The following HSPA4 variants were observed in gnomAD, a reference collection of about 807,000 sequenced individuals.
HSPA4 encodes heat shock protein family A (Hsp70) member 4.
In HSPA4, 25 loss-of-function variants were observed where a neutral mutation model predicts 106.2. The observed-to-expected ratio is 0.24, with a 90% CI of 0.17 to 0.33. The LOEUF is 0.33. HSPA4 is among the 10% of genes least tolerant of loss of function. The probability of loss-of-function intolerance (pLI) is 1.00; values close to 1 mark genes in which losing one functional copy is unlikely to be tolerated. For synonymous variants in HSPA4, 332 were observed against 333.6 expected, an observed-to-expected ratio of 1.00 and a Z score of 0.05; for missense variants, 841 against 996.0, an observed-to-expected ratio of 0.84 and a Z score of 2.10.
At position 133,106,233 on chromosome 5, in the gene HSPA4, C is replaced by T. The variant is rs1581485634; in HGVS notation, c.*1797C>T. 2 of 135,978 alleles carry T rather than the reference C, an allele frequency of 1.5e-5. No homozygotes were observed. The highest frequency in any genetic ancestry group is 3.1e-5 in the Non-Finnish European group (2 of 65,424). The allele number at this position is 135,978 out of a possible 1,614,324, so 8.4% of individuals were successfully genotyped here. Reference sequence around the variant, plus strand: ...CACGATGATGTGGTCTGCTTGCTCTCTGCTTAGACAGGCTTTAAGACCAAT... The same window carrying T: ...CACGATGATGTGGTCTGCTTGCTCTTTGCTTAGACAGGCTTTAAGACCAAT... On this transcript the variant is annotated 3_prime_UTR_variant, in exon 19 of 19. Transcript: ENST00000304858.
intron 7 of HSPA4, among the ~76,000 whole-genome samples, chr5:133,084,434 T>A (rs1765553150): frequency 6.6e-6 from 1 of 152,216 alleles, no homozygotes; most frequent in Non-Finnish European, 1.5e-5. Flanking sequence ...TAGCAATCCT[T>A]AAGTTTTGCA....
Position 133,104,586 on chromosome 5 carries a change from G to C in HSPA4, c.*150G>C. 1.5e-6 allele frequency: 1 copy of C among 646,490 alleles called. No individual in the cohort carries two copies. The allele number at this position is 646,490 out of a possible 1,614,324, so 40.0% of individuals were successfully genotyped here. A position where few individuals can be genotyped will look rare whatever the true frequency, so the allele number is the denominator to read the frequency against. ...GGAGGGGAAATAGGTAATGTATGGA[G>C]CATTTTCACTTCTAAATAGTTAGAT... On this transcript the variant is annotated 3_prime_UTR_variant, in exon 19 of 19. Transcript: ENST00000304858.
chr5:133,072,776 CCCA>C (rs1765401113), intron 4 of HSPA4, among the ~76,000 whole-genome samples: 1 of 152,078 alleles, frequency 6.6e-6, no homozygotes, highest in Admixed American at 6.5e-5. Flanking sequence ...AATTCCAACT[CCCA>C]GAAGGAAAGC....
rs1765289097 is a variant in HSPA4 at position 133,064,909 on chromosome 5, C to A, written c.108-71C>A. 4.6e-6 allele frequency: 6 copies of A among 1,301,570 alleles called. No homozygotes were observed. The Admixed American group carries it at 8.9e-5, about 19-fold the overall frequency. 80.6% of individuals were successfully genotyped at this position (1,301,570 alleles called of 1,614,324 possible). A position where few individuals can be genotyped will look rare whatever the true frequency, so the allele number is the denominator to read the frequency against. On this transcript the variant is annotated intron_variant, in intron 1 of 18. Transcript: ENST00000304858. ...ATGGCATTTTAGCTGATACTCAGAT[C>A]TTGCCTGCTATGCTTTTGGATTTAT...
chr5:133,099,837 A>G (rs1765763110), intron 16 of HSPA4, among the ~76,000 whole-genome samples, 185 bp downstream of exon 16: 1 of 152,068 alleles, frequency 6.6e-6, no homozygotes, highest in East Asian at 1.9e-4. Context: ...TAACAAAATG[A>G]TTTTTCTGAA....
At chr5:133,089,537 G>T (rs766821537) in intron 10 of HSPA4, 25 bp from the exon 11 acceptor site, 3 of 1,609,136 alleles carry the variant, frequency 1.9e-6, no homozygotes, top group Non-Finnish European at 2.5e-6. Flanking sequence ...CTGAATTTGT[G>T]TTTTTGTCTT....
chr5:133,098,047 G>GT (rs1028680096), intron 15 of HSPA4, among the ~76,000 whole-genome samples: 4 of 151,812 alleles, frequency 2.6e-5, no homozygotes, highest in Admixed American at 6.6e-5. Context: ...TAAGATGGTA[G>GT]TTTTTTTATC....
intron 7 of HSPA4, among the ~76,000 whole-genome samples, 182 bp downstream of exon 7, chr5:133,077,080 T>G (rs1276623931): frequency 6.6e-6 from 1 of 152,238 alleles, no homozygotes; most frequent in Non-Finnish European, 1.5e-5. Context: ...GTTAATAATG[T>G]AGACTAATGT....
chr5:133,054,068 A>G (rs1228348994), intron 1 of HSPA4, among the ~76,000 whole-genome samples: 1 of 151,594 alleles, frequency 6.6e-6, no homozygotes, highest in African/African-American at 2.4e-5. Flanking sequence ...TTTCCTTTCC[A>G]CTTGTCAAAT....
intron 15 of HSPA4, 101 bp downstream of exon 15, chr5:133,097,387 T>C (rs1765725702): frequency 2.9e-6 from 3 of 1,042,516 alleles, no homozygotes; most frequent in East Asian, 2.5e-5. Context: ...AGTAGAATTA[T>C]TAAAAATGGA....
At chr5:133,084,041 A>G (rs1765548570) in intron 7 of HSPA4, among the ~76,000 whole-genome samples, 1 of 152,162 alleles carries the variant, frequency 6.6e-6, no homozygotes, top group Non-Finnish European at 1.5e-5. Flanking sequence ...CAACATACAC[A>G]TATATCTTTG....
intron 12 of HSPA4, 47 bp downstream of exon 12, chr5:133,091,421 G>A (rs1234563652): frequency 6.9e-7 from 1 of 1,454,580 alleles, no homozygotes; most frequent in East Asian, 2.3e-5. Flanking sequence ...GAGGTGACTT[G>A]TCTAGAAATT....
chr5:133,072,710 C>T (rs1765400117), intron 4 of HSPA4, among the ~76,000 whole-genome samples: 1 of 151,876 alleles, frequency 6.6e-6, no homozygotes, highest in East Asian at 1.9e-4. Context: ...CCTGGCTAGT[C>T]CATGGTTTTC....
At chr5:133,059,900 A>G (rs752124625) in intron 1 of HSPA4, among the ~76,000 whole-genome samples, 11 of 152,188 alleles carry the variant, frequency 7.2e-5, no homozygotes, top group Non-Finnish European at 1.3e-4. Context: ...TCAGGGATGT[A>G]GACTGCAAGA....
chr5:133,098,445 G>A (rs1034874937), intron 15 of HSPA4, among the ~76,000 whole-genome samples: 4 of 151,784 alleles, frequency 2.6e-5, no homozygotes, highest in Non-Finnish European at 5.9e-5. Context: ...CGGAGTAGCC[G>A]GGAGTACAGG....
chr5:133,101,257 C>T (rs1765781684), intron 16 of HSPA4, among the ~76,000 whole-genome samples: 1 of 152,020 alleles, frequency 6.6e-6, no homozygotes, highest in African/African-American at 2.4e-5. Context: ...CGTTATTTCC[C>T]CATGTCGCCC....
In HSPA4 at chr5:133,070,386, G is replaced by A. The variant is rs1765366502; in HGVS notation, c.319G>A (p.Glu107Lys). ...GLTGIKVTYM[E>K]EERNFTTEQV... ...TGTTTTCTTGCAGGTGACATATATG[G>A]AGGAAGAGCGAAATTTTACCACTGA... Residue 107 changes from glutamate (E) to lysine (K), a missense_variant, in exon 4 of 19, where the codon GAG becomes AAG. Glu to Lys is a moderately conservative substitution (Grantham distance 56, BLOSUM62 1). Transcript: ENST00000304858. 6.2e-7 allele frequency: 1 copy of A among 1,610,812 alleles called. No individual in the cohort carries two copies. Among genetic ancestry groups the A allele is most frequent in the Non-Finnish European group, 8.5e-7 (1 of 1,179,132 alleles).
At chr5:133,074,240 G>A (rs1765420255) in intron 6 of HSPA4, 114 bp downstream of exon 6, 4 of 556,538 alleles carry the variant, frequency 7.2e-6, no homozygotes, top group Admixed American at 3.4e-5. Flanking sequence ...ATACCTTACA[G>A]GGTTATTCAG....
intron 1 of HSPA4, among the ~76,000 whole-genome samples, chr5:133,064,150 T>C (rs1257626650): frequency 6.6e-6 from 1 of 152,170 alleles, no homozygotes; most frequent in Non-Finnish European, 1.5e-5. Flanking sequence ...AATCAGGAGA[T>C]TGTGTATGAA....
Sources: allele counts gnomAD v4.1 joint callset (sites outside exome capture counted in the v4.1 genomes callset), GRCh38; gene constraint gnomAD v4.1.1; transcripts MANE v1.5; gene names NCBI Gene and HGNC (gene_info 2026-07-23, HGNC 2026-07-21).